Variants in CDADC1 observed in about 807,000 individuals in gnomAD.
CDADC1 encodes dCTP deaminase.
Under a neutral mutation model 54.9 loss-of-function variants are expected in CDADC1, and 39 were observed. That is an observed-to-expected ratio of 0.71 (90% CI 0.55 to 0.93). CDADC1 has a LOEUF of 0.93. Among genes scored for constraint, CDADC1 ranks in the 40% least tolerant of loss-of-function variants. The pLI is 0.00. For missense variants in CDADC1, 518 were observed against 618.8 expected, an observed-to-expected ratio of 0.84 and a Z score of 1.73; for synonymous variants, 186 against 204.0, an observed-to-expected ratio of 0.91 and a Z score of 0.75.
At chr13:49,291,094 G>A (rs774162728) in intron 9 of CDADC1, among the ~76,000 whole-genome samples, 19 of 151,012 alleles carry the variant, frequency 1.3e-4, no homozygotes, top group Non-Finnish European at 2.8e-4. Flanking sequence ...GTAATAGGAC[G>A]TCCCCCCACC....
At chr13:49,259,117 A>G (rs1320112847) in intron 3 of CDADC1, among the ~76,000 whole-genome samples, 2 of 152,236 alleles carry the variant, frequency 1.3e-5, no homozygotes, top group Admixed American at 6.5e-5. Flanking sequence ...TGATAATTAC[A>G]TGCTTAATTG....
At chr13:49,248,196 T>A in intron 1 of CDADC1, 77 bp downstream of exon 1, 1 of 1,278,144 alleles carries the variant, frequency 7.8e-7, no homozygotes, top group Non-Finnish European at 1.1e-6. Flanking sequence ...GAACTCCAGA[T>A]TCCTTGTCTG....
intron 3 of CDADC1, among the ~76,000 whole-genome samples, chr13:49,256,904 T>C (rs959421881): frequency 6.6e-6 from 1 of 152,248 alleles, no homozygotes; most frequent in Non-Finnish European, 1.5e-5. Context: ...TTTAAGTCAA[T>C]GTACTAGTCC....
intron 4 of CDADC1, among the ~76,000 whole-genome samples, chr13:49,260,661 C>T (rs1952660130): frequency 6.6e-6 from 1 of 152,150 alleles, no homozygotes; most frequent in Non-Finnish European, 1.5e-5. Context: ...CTGTTTTGCA[C>T]CCAGGTATAT....
chr13:49,251,228 T>A (rs1952423409), intron 2 of CDADC1, among the ~76,000 whole-genome samples: 1 of 151,846 alleles, frequency 6.6e-6, no homozygotes, highest in Non-Finnish European at 1.5e-5. Context: ...GCCAACATGG[T>A]GAAACCCCGT....
rs2138283667 is a variant in CDADC1 at position 49,292,772 on chromosome 13, T to C, written c.*1015T>C. The C allele has an allele frequency of 7.8e-7, 1 of 1,283,744 alleles. No homozygotes were observed. The highest frequency in any genetic ancestry group is 1.3e-5 in the South Asian group (1 of 79,888). The allele number at this position is 1,283,744 out of a possible 1,614,324, so 79.5% of individuals were successfully genotyped here. On this transcript the variant is annotated 3_prime_UTR_variant, in exon 10 of 10. Transcript: ENST00000251108. ...AAATGAAGGTACATTTTCTGTTCTCTCCTAGGTTAGAGAGGGGTGGCCTGG... is the reference window on the plus strand; with the variant it reads ...AAATGAAGGTACATTTTCTGTTCTCCCCTAGGTTAGAGAGGGGTGGCCTGG...
intron 2 of CDADC1, among the ~76,000 whole-genome samples, chr13:49,254,790 T>C (rs1952507418): frequency 6.6e-6 from 1 of 152,212 alleles, no homozygotes; most frequent in African/African-American, 2.4e-5. Context: ...TTTTCATAAA[T>C]CATAAGCCCT....
In CDADC1 at chr13:49,281,785, T is replaced by G. The variant is rs572072000; in HGVS notation, c.1410+1087T>G. Among the ~76,000 whole-genome samples the G allele has an allele frequency of 1.3e-4, 20 of 151,702 alleles. No individual in the cohort carries two copies. The East Asian group carries it at 3.5e-3, about 26-fold the overall frequency. The stretch of plus-strand genomic sequence containing the variant: ...AGAAAAATCAGGAAAACAAGAATAT[T>G]TGTTTATTTATTTATATATTTATTT... On this transcript the variant is annotated intron_variant, in intron 8 of 9. Coordinates refer to ENST00000251108, the MANE Select transcript of CDADC1 (RefSeq NM_030911.4).
chr13:49,253,151 T>A (rs1210041916), intron 2 of CDADC1, among the ~76,000 whole-genome samples: 1 of 152,248 alleles, frequency 6.6e-6, no homozygotes, highest in Non-Finnish European at 1.5e-5. Flanking sequence ...GACATGTAAT[T>A]GTATTGGAAA....
chr13:49,283,393 A>G lies in CDADC1; in HGVS notation c.1410+2695A>G, dbSNP rs77049703. Among the ~76,000 whole-genome samples the G allele has an allele frequency of 4.6e-3, 692 of 152,084 alleles. 5 individuals are homozygous for G. The highest frequency in any genetic ancestry group is 0.015 in the African/African-American group (639 of 41,506). ...GAGATGGGAAAGATACCTTTTTTGT[A>G]AAACTCAATAAAAGCTTATATCCAA... On this transcript the variant is annotated intron_variant, in intron 8 of 9. Coordinates refer to ENST00000251108, the MANE Select transcript of CDADC1 (RefSeq NM_030911.4).
intron 8 of CDADC1, among the ~76,000 whole-genome samples, chr13:49,282,236 GTTTTTTTTT>G (rs759792512): frequency 5.6e-4 from 53 of 94,142 alleles, no homozygotes; most frequent in African/African-American, 2.1e-3. Flanking sequence ...GTTTTTGTGG[GTTTTTTTTT>G]TTTTTTTTTT....
At chr13:49,252,442 A>G (rs1952457192) in intron 2 of CDADC1, among the ~76,000 whole-genome samples, 1 of 152,186 alleles carries the variant, frequency 6.6e-6, no homozygotes, top group Non-Finnish European at 1.5e-5. Context: ...CCGAAAAGGG[A>G]GATTTACCAA....
chr13:49,251,147 T>C (rs894532516), intron 2 of CDADC1, among the ~76,000 whole-genome samples: 1 of 152,132 alleles, frequency 6.6e-6, no homozygotes, highest in Non-Finnish European at 1.5e-5. Flanking sequence ...CAGTGGCTCA[T>C]GCCTGTAATC....
At chr13:49,287,140 G>A (rs1020970815) in intron 9 of CDADC1, among the ~76,000 whole-genome samples, 3 of 152,180 alleles carry the variant, frequency 2.0e-5, no homozygotes, top group Non-Finnish European at 4.4e-5. Flanking sequence ...GCAGTGAGCC[G>A]AGATAGCGCC....
In CDADC1 at chr13:49,292,882, C is replaced by T. The variant is rs1177011663; in HGVS notation, c.*1125C>T. On this transcript the variant is annotated 3_prime_UTR_variant, in exon 10 of 10. Transcript: ENST00000251108. ...TTCCCTGCCTTTCCGCCACATCACA[C>T]GGCCTCACTGGGCTTCCTACCAGTT... The T allele has an allele frequency of 1.1e-5, 9 of 852,042 alleles. No homozygotes were observed. The highest frequency in any genetic ancestry group is 1.3e-5 in the Non-Finnish European group (8 of 618,864). The allele number at this position is 852,042 out of a possible 1,614,324, so 52.8% of individuals were successfully genotyped here.
chr13:49,276,996 G>C (rs946797953), intron 6 of CDADC1, among the ~76,000 whole-genome samples: 1 of 152,142 alleles, frequency 6.6e-6, no homozygotes, highest in African/African-American at 2.4e-5. Flanking sequence ...CGGTGAAATG[G>C]AAAGACACAT....
chr13:49,289,500 G>T (rs1417371375), intron 9 of CDADC1, among the ~76,000 whole-genome samples: 1 of 152,074 alleles, frequency 6.6e-6, no homozygotes, highest in Non-Finnish European at 1.5e-5. Flanking sequence ...GAGAGACAAA[G>T]AATTTGTTGC....
At chr13:49,266,757 T>C (rs1303504845) in intron 4 of CDADC1, among the ~76,000 whole-genome samples, 2 of 152,228 alleles carry the variant, frequency 1.3e-5, no homozygotes, top group Admixed American at 6.5e-5. Flanking sequence ...TAAATGTGCA[T>C]GCATGAGATT....
intron 4 of CDADC1, among the ~76,000 whole-genome samples, chr13:49,259,761 T>G (rs546890060): frequency 6.6e-6 from 1 of 152,032 alleles, no homozygotes; most frequent in Non-Finnish European, 1.5e-5. Context: ...GTGGGAGGAT[T>G]GCTTGAGCCC....
Sources: allele counts gnomAD v4.1 joint callset (sites outside exome capture counted in the v4.1 genomes callset), GRCh38; gene constraint gnomAD v4.1.1; transcripts MANE v1.5; gene names NCBI Gene and HGNC (gene_info 2026-07-23, HGNC 2026-07-21).